Variants in ASCC3 observed in about 807,000 individuals in gnomAD.
ASCC3 encodes the protein activating signal cointegrator 1 complex subunit 3, also known as ASC-1 complex subunit P200.
ASCC3 carries 158 observed loss-of-function variants against 256.3 expected under a neutral mutation model. The observed-to-expected ratio is 0.62, with a 90% CI of 0.54 to 0.70. The LOEUF is 0.70. Among genes scored for constraint, ASCC3 ranks in the 30% least tolerant of loss-of-function variants. The pLI is 0.00. For missense variants in ASCC3, 2,259 were observed against 2,626.0 expected, an observed-to-expected ratio of 0.86 and a Z score of 3.05; for synonymous variants, 948 against 883.4, an observed-to-expected ratio of 1.07 and a Z score of -1.30.
In ASCC3 at chr6:100,730,062, T is replaced by C. The variant is rs144486062; in HGVS notation, c.1738-4359A>G. 4.6e-3 allele frequency among the ~76,000 whole-genome samples: 704 copies of C among 152,072 alleles called. 8 individuals are homozygous for C. The highest frequency in any genetic ancestry group is 0.016 in the African/African-American group (666 of 41,492). Reference sequence around the variant, plus strand: ...GCTCACACCTATAATCCCAGCACTTTGGGAGGCCAAAGTGGGAAGATGACT... The same window carrying C: ...GCTCACACCTATAATCCCAGCACTTCGGGAGGCCAAAGTGGGAAGATGACT... On this transcript the variant is annotated intron_variant, in intron 10 of 41. Coordinates refer to ENST00000369162, the MANE Select transcript of ASCC3 (RefSeq NM_006828.4).
chr6:100,585,031 C>G (rs1209035782), intron 36 of ASCC3, among the ~76,000 whole-genome samples: 1 of 152,072 alleles, frequency 6.6e-6, no homozygotes, highest in African/African-American at 2.4e-5. Context: ...TTCATTTCAA[C>G]TTTGGTGAAT....
At chr6:100,551,957 G>A (rs556904159) in intron 36 of ASCC3, among the ~76,000 whole-genome samples, 5 of 151,856 alleles carry the variant, frequency 3.3e-5, no homozygotes, top group South Asian at 2.1e-4. Flanking sequence ...TGAGATCTGG[G>A]AATTGATACA....
intron 20 of ASCC3, 55 bp downstream of exon 20, chr6:100,650,483 T>C (rs1775607317): frequency 1.3e-6 from 2 of 1,565,050 alleles, no homozygotes. Flanking sequence ...ATTAACACCT[T>C]GGTCCTCTAA....
intron 3 of ASCC3, chr6:100,858,748 A>C: frequency 9.8e-7 from 1 of 1,019,018 alleles, no homozygotes; most frequent in Non-Finnish European, 1.2e-6. Context: ...GCTTCTCCTG[A>C]GATTTAGGAT....
intron 4 of ASCC3, among the ~76,000 whole-genome samples, chr6:100,847,270 G>A (rs188778306): frequency 2.1e-4 from 32 of 151,998 alleles, no homozygotes; most frequent in Non-Finnish European, 8.8e-5. Context: ...AATTTTCTTC[G>A]TAAATCACAA....
chr6:100,580,191 C>T (rs538691256), intron 36 of ASCC3, among the ~76,000 whole-genome samples: 9 of 151,904 alleles, frequency 5.9e-5, no homozygotes, highest in Admixed American at 1.3e-4. Context: ...TCTGGAAATG[C>T]TAATTCTTAT....
Position 100,570,154 on chromosome 6 carries a change from T to A in ASCC3, c.5550+19480A>T, listed in dbSNP as rs551211068. On this transcript the variant is annotated intron_variant, in intron 36 of 41. Coordinates refer to ENST00000369162, the MANE Select transcript of ASCC3 (RefSeq NM_006828.4). Reference sequence around the variant, plus strand: ...TTTGTATCCTGGAACCTTGCTAAAATCATTTGTTGGTTTTAATATTCTTCT... The same window carrying A: ...TTTGTATCCTGGAACCTTGCTAAAAACATTTGTTGGTTTTAATATTCTTCT... Among the ~76,000 whole-genome samples, 356 of 152,324 alleles carry A rather than the reference T, an allele frequency of 2.3e-3. 2 individuals carry two copies. Among genetic ancestry groups the A allele is most frequent in the Middle Eastern group, 3.4e-3 (1 of 294 alleles).
At chr6:100,877,839 T>C (rs17061214) in intron 1 of ASCC3, among the ~76,000 whole-genome samples, 5,713 of 152,320 alleles carry the variant, frequency 0.038, 135 homozygotes, top group African/African-American at 0.057. Context: ...CATCTCAAAA[T>C]GTGAGCATCT....
chr6:100,712,384 T>C (rs189370008), intron 13 of ASCC3, among the ~76,000 whole-genome samples: 3 of 152,142 alleles, frequency 2.0e-5, no homozygotes, highest in Admixed American at 1.3e-4. Flanking sequence ...TAAAGGACTG[T>C]TAACAAAATA....
intron 8 of ASCC3, among the ~76,000 whole-genome samples, chr6:100,785,947 A>T (rs1287167089): frequency 6.6e-6 from 1 of 152,218 alleles, no homozygotes; most frequent in African/African-American, 2.4e-5. Context: ...ACCATGTTTA[A>T]CAAGAATTTC....
chr6:100,590,324 C>T (rs1195649398), intron 34 of ASCC3, among the ~76,000 whole-genome samples: 1 of 151,982 alleles, frequency 6.6e-6, no homozygotes, highest in East Asian at 1.9e-4. Flanking sequence ...AAAAATAAAG[C>T]ATTCTAACCA....
intron 10 of ASCC3, among the ~76,000 whole-genome samples, chr6:100,739,513 G>A (rs1780329543): frequency 6.6e-6 from 1 of 152,060 alleles, no homozygotes; most frequent in African/African-American, 2.4e-5. Context: ...CAGTAGAAAT[G>A]GTATCAGCTC....
intron 13 of ASCC3, among the ~76,000 whole-genome samples, chr6:100,683,848 T>C (rs1777426055): frequency 6.6e-6 from 1 of 152,168 alleles, no homozygotes; most frequent in East Asian, 1.9e-4. Context: ...TCATATTGTT[T>C]TATTTTTATT....
intron 4 of ASCC3, among the ~76,000 whole-genome samples, chr6:100,807,483 G>GCC (rs1371710282): frequency 6.6e-6 from 1 of 151,684 alleles, no homozygotes; most frequent in Non-Finnish European, 1.5e-5. Flanking sequence ...CACTTAGGGG[G>GCC]CCCACATGGT....
At chr6:100,754,994 C>T (rs1468823135) in intron 10 of ASCC3, among the ~76,000 whole-genome samples, 1 of 152,046 alleles carries the variant, frequency 6.6e-6, no homozygotes, top group Non-Finnish European at 1.5e-5. Flanking sequence ...AACTGTCAGT[C>T]CCTTAAACCT....
At chr6:100,754,338 A>C (rs75293482) in intron 10 of ASCC3, among the ~76,000 whole-genome samples, 2,745 of 152,240 alleles carry the variant, frequency 0.018, 55 homozygotes, top group South Asian at 0.045. Context: ...GATTTCTTTT[A>C]ATTTTTAATT....
At chr6:100,736,287 G>T (rs1417792051) in intron 10 of ASCC3, among the ~76,000 whole-genome samples, 2 of 152,034 alleles carry the variant, frequency 1.3e-5, no homozygotes, top group African/African-American at 2.4e-5. Context: ...GGCAGATCAC[G>T]AGGTCAGGAG....
rs1469049409 is a variant in ASCC3, at chr6:100,848,654, T to C, written c.295A>G (p.Met99Val). 6 of 1,613,992 alleles carry C rather than the reference T, an allele frequency of 3.7e-6. No homozygotes were observed. Among genetic ancestry groups the C allele is most frequent in the Non-Finnish European group, 5.1e-6 (6 of 1,180,030 alleles). Residue 99 changes from methionine to valine, a missense_variant, in exon 4 of 42, where the codon ATG becomes GTG. Around this residue, in one of 2 missense-constraint regions of ASCC3, gnomAD observed 420 missense variants for 419.3 expected, o/e 1.00. Transcript: ENST00000369162. ...AIESGAAFLF[M>V]TFHLKDSVGH... ...ACAGAGTCCTTCAAGTGAAATGTCA[T>C]GAAGAGAAATGCAGCCCCACTTTCA...
At chr6:100,657,213 TTCTG>T (rs2114923287) in intron 16 of ASCC3, among the ~76,000 whole-genome samples, 1 of 151,452 alleles carries the variant, frequency 6.6e-6, no homozygotes, top group South Asian at 2.1e-4. Context: ...ATATGGGAGA[TTCTG>T]TCTACTAACT....
Sources: allele counts gnomAD v4.1 joint callset (sites outside exome capture counted in the v4.1 genomes callset), GRCh38; gene constraint gnomAD v4.1.1; regional missense constraint gnomAD v4.1.1; transcripts MANE v1.5; gene names NCBI Gene and HGNC (gene_info 2026-07-23, HGNC 2026-07-21).